The following SHANK2 variants were observed in gnomAD, a reference collection of about 807,000 sequenced individuals.
The protein encoded by SHANK2 is SH3 and multiple ankyrin repeat domains protein 2.
SHANK2 carries 43 observed loss-of-function variants against 133.7 expected under a neutral mutation model. That is an observed-to-expected ratio of 0.32 (90% CI 0.25 to 0.41). The LOEUF (loss-of-function observed/expected upper bound fraction) is 0.41. SHANK2 is among the 10% of genes least tolerant of loss of function. SHANK2 has a pLI of 1.00. For synonymous variants in SHANK2, 1,017 were observed against 952.8 expected, an observed-to-expected ratio of 1.07 and a Z score of -1.24; for missense variants, 1,994 against 2,235.8, an observed-to-expected ratio of 0.89 and a Z score of 2.18.
At chr11:70,729,016 C>T (rs1193296376) in intron 14 of SHANK2, among the ~76,000 whole-genome samples, 1 of 151,894 alleles carries the variant, frequency 6.6e-6, no homozygotes, top group Non-Finnish European at 1.5e-5. Flanking sequence ...ACCAGCCTGG[C>T]CAACATAGCA....
chr11:71,112,941 A>C lies in SHANK2; in HGVS notation c.483+352T>G, dbSNP rs868996478. 2.6e-5 allele frequency among the ~76,000 whole-genome samples: 4 copies of C among 152,334 alleles called. No homozygotes were observed. In the South Asian group the frequency reaches 8.3e-4, roughly 32 times the overall value. ...AGGTTTTTCCTGAAGCAACAACAGC[A>C]GAACACTAATACGGGGCTCACTGTG... On this transcript the variant is annotated intron_variant, in intron 5 of 25. Transcript: ENST00000601538.
chr11:70,814,608 G>A (rs1555053881), intron 12 of SHANK2, among the ~76,000 whole-genome samples: 2 of 152,232 alleles, frequency 1.3e-5, no homozygotes, highest in East Asian at 3.9e-4. Flanking sequence ...GAAAACAGAG[G>A]CCACTGGGCC....
At chr11:71,102,405 G>A (rs548840666) in intron 6 of SHANK2, among the ~76,000 whole-genome samples, 1 of 152,250 alleles carries the variant, frequency 6.6e-6, no homozygotes, top group African/African-American at 2.4e-5. Flanking sequence ...TCAGGCTAGA[G>A]GGCTGCTTCC....
chr11:71,192,800 CT>C (rs1555115648), intron 2 of SHANK2, among the ~76,000 whole-genome samples: 2 of 152,222 alleles, frequency 1.3e-5, no homozygotes, highest in Non-Finnish European at 2.9e-5. Context: ...CTATCAGAGG[CT>C]ATCAGCTCAT....
intron 15 of SHANK2, among the ~76,000 whole-genome samples, chr11:70,675,760 G>A (rs1228282348): frequency 6.6e-6 from 1 of 152,150 alleles, no homozygotes; most frequent in Non-Finnish European, 1.5e-5. Context: ...ATTTGAAATT[G>A]GAAATGGTGG....
At chr11:71,144,686 A>G (rs1952613271) in intron 3 of SHANK2, among the ~76,000 whole-genome samples, 1 of 152,242 alleles carries the variant, frequency 6.6e-6, no homozygotes, top group South Asian at 2.1e-4. Context: ...ACAAGAAAGA[A>G]AAAAAATTCC....
chr11:71,204,889 C>T (rs888403648), intron 2 of SHANK2, among the ~76,000 whole-genome samples: 4 of 152,082 alleles, frequency 2.6e-5, no homozygotes, highest in African/African-American at 4.8e-5. Flanking sequence ...AGGGAAGGGA[C>T]GCCTGGTCCC....
intron 10 of SHANK2, among the ~76,000 whole-genome samples, chr11:70,916,187 C>T (rs570531787): frequency 6.6e-6 from 1 of 152,322 alleles, no homozygotes; most frequent in African/African-American, 2.4e-5. Flanking sequence ...GGATAAAGGA[C>T]ATTCTTGGCC....
In SHANK2 at chr11:70,501,955, A is replaced by G. The variant is rs1555158644; in HGVS notation, c.2279-24T>C. 2.6e-6 allele frequency: 4 copies of G among 1,555,554 alleles called. No homozygotes were observed. The Admixed American group carries it at 7.7e-5, about 30-fold the overall frequency. On this transcript the variant is annotated intron_variant, in intron 19 of 25. Transcript: ENST00000601538. ...CACTAGTGAGAGGCCCAAAAATTCA[A>G]AACAAAACAATGTTAGATAAACAGA...
rs1948111188 is a variant in SHANK2, at chr11:70,804,088, C to T, written c.1663+2914G>A. On this transcript the variant is annotated intron_variant, in intron 13 of 25. Coordinates refer to ENST00000601538, the MANE Select transcript of SHANK2 (RefSeq NM_012309.5). The surrounding 1 kb of genome is among the most constrained non-coding windows in gnomAD (Gnocchi z 4.1). ...CACCCTGCCTGCCTGCTGCCCAGAC[C>T]CGACTTCCACTGCAAAAAATGAGTT... Among the ~76,000 whole-genome samples, 2 of 152,138 alleles carry T rather than the reference C, an allele frequency of 1.3e-5. No individual in the cohort carries two copies. Among genetic ancestry groups the T allele is most frequent in the Admixed American group, 1.3e-4 (2 of 15,276 alleles).
chr11:70,498,039 G>T (rs1342560458), intron 21 of SHANK2, among the ~76,000 whole-genome samples: 1 of 152,230 alleles, frequency 6.6e-6, no homozygotes, highest in Non-Finnish European at 1.5e-5. Context: ...GTGGAGGGCT[G>T]CATGGGGCTG....
intron 11 of SHANK2, among the ~76,000 whole-genome samples, chr11:70,885,194 A>AGGGGAACCGCGC (rs56188788): frequency 0.67 from 101,759 of 151,628 alleles, 39,849 homozygotes; most frequent in Non-Finnish European, 0.86. Context: ...CGCTGTATAG[A>AGGGGAACCGCGC]GGGGAACCGC....
At chr11:70,560,210 C>T (rs1554980537) in intron 17 of SHANK2, among the ~76,000 whole-genome samples, 1 of 152,132 alleles carries the variant, frequency 6.6e-6, no homozygotes, top group African/African-American at 2.4e-5. Flanking sequence ...GTCCTGGATC[C>T]TCTGGACACC....
chr11:70,887,702 C>T lies in SHANK2; in HGVS notation c.1174+8799G>A, dbSNP rs180885110. ...TTTAAAGAGACTTTTTAAAGGAAAA[C>T]ATCCCATTGACCAGGCTGTACACGG... is the stretch of plus-strand genomic sequence containing the variant. On this transcript the variant is annotated intron_variant, in intron 11 of 25. Coordinates refer to ENST00000601538, the MANE Select transcript of SHANK2 (RefSeq NM_012309.5). Among the ~76,000 whole-genome samples the T allele has an allele frequency of 1.0e-3, 155 of 152,280 alleles. No homozygotes were observed. The South Asian group carries it at 0.011, about 11-fold the overall frequency.
chr11:70,625,087 C>G (rs1390661065), intron 17 of SHANK2, among the ~76,000 whole-genome samples: 1 of 152,184 alleles, frequency 6.6e-6, no homozygotes, highest in Non-Finnish European at 1.5e-5. Context: ...CCTATGCTCA[C>G]AGTTATGGTT....
At chr11:70,914,460 G>C (rs1950239721) in intron 10 of SHANK2, among the ~76,000 whole-genome samples, 1 of 151,806 alleles carries the variant, frequency 6.6e-6, no homozygotes, top group African/African-American at 2.4e-5. Flanking sequence ...TAAAAACCCA[G>C]CCTCGCACAG....
chr11:70,901,823 G>A (rs1310536217), intron 10 of SHANK2, among the ~76,000 whole-genome samples: 2 of 152,308 alleles, frequency 1.3e-5, no homozygotes, highest in Admixed American at 6.5e-5. Flanking sequence ...GATGTCAGAC[G>A]TGGTGAATGT....
intron 4 of SHANK2, among the ~76,000 whole-genome samples, chr11:71,116,719 G>A (rs1352238796): frequency 6.6e-6 from 1 of 152,198 alleles, no homozygotes; most frequent in African/African-American, 2.4e-5. Flanking sequence ...TGTTGGAGGC[G>A]GGGCCAGGTG....
chr11:71,094,748 A>C (rs1400580758), intron 6 of SHANK2, 60 bp from the exon 7 acceptor site: 2 of 1,505,078 alleles, frequency 1.3e-6, no homozygotes, highest in Non-Finnish European at 1.8e-6. Context: ...TCACAAAGCC[A>C]TATTCAGATG....
Sources: allele counts gnomAD v4.1 joint callset (sites outside exome capture counted in the v4.1 genomes callset), GRCh38; gene constraint gnomAD v4.1.1; non-coding constraint Gnocchi (gnomAD v3.1); transcripts MANE v1.5; gene names NCBI Gene and HGNC (gene_info 2026-07-23, HGNC 2026-07-21).